RNF121: variants seen among roughly 807,000 people sequenced by gnomAD.
RNF121 encodes E3 ubiquitin ligase RNF121.
Under a neutral mutation model 46.5 loss-of-function variants are expected in RNF121, and 21 were observed. That is an observed-to-expected ratio of 0.45 (90% CI 0.32 to 0.65). RNF121 has a LOEUF of 0.65. Among genes scored for constraint, RNF121 ranks in the 30% least tolerant of loss-of-function variants. The probability of loss-of-function intolerance (pLI) is 0.04; values close to 1 mark genes in which losing one functional copy is unlikely to be tolerated. For missense variants in RNF121, 346 were observed against 416.0 expected (o/e 0.83, Z 1.46); for synonymous variants, 139 against 144.7 (o/e 0.96, Z 0.28).
At chr11:71,962,357 CT>C in intron 3 of RNF121, 1 of 876,044 alleles carries the variant, frequency 1.1e-6, no homozygotes, top group Non-Finnish European at 1.4e-6. Context: ...GGAATCCTTT[CT>C]TTAAACATTA....
intron 8 of RNF121, among the ~76,000 whole-genome samples, chr11:71,995,908 G>A (rs1954965096): frequency 6.6e-6 from 1 of 152,118 alleles, no homozygotes; most frequent in Non-Finnish European, 1.5e-5. Flanking sequence ...ACCTCTCTCA[G>A]GGCTGCCCTG....
chr11:71,936,152 C>T (rs1029301559), intron 1 of RNF121, among the ~76,000 whole-genome samples: 3 of 151,960 alleles, frequency 2.0e-5, no homozygotes, highest in Admixed American at 1.3e-4. Flanking sequence ...TAAACTGCTG[C>T]GCCTGGCCTA....
chr11:71,946,867 C>CTT (rs34778760), intron 1 of RNF121, among the ~76,000 whole-genome samples: 77,215 of 98,196 alleles, frequency 0.79, 32,755 homozygotes, highest in Non-Finnish European at 0.91. Context: ...TGCTCTGGCT[C>CTT]TTTTTTTTTT....
chr11:71,962,645 A>C (rs1954164032), intron 3 of RNF121, among the ~76,000 whole-genome samples: 1 of 152,206 alleles, frequency 6.6e-6, no homozygotes, highest in African/African-American at 2.4e-5. Flanking sequence ...GGATATGCTA[A>C]CATGATAGCA....
At chr11:71,930,360 A>G (rs965485208) in intron 1 of RNF121, among the ~76,000 whole-genome samples, 47 of 152,276 alleles carry the variant, frequency 3.1e-4, no homozygotes, top group African/African-American at 1.1e-3. Context: ...GATGAGGTTC[A>G]GAGAAAGGGA....
chr11:71,952,938 A>G (rs1040583564), intron 1 of RNF121, among the ~76,000 whole-genome samples: 2 of 152,286 alleles, frequency 1.3e-5, no homozygotes, highest in Non-Finnish European at 2.9e-5. Context: ...TTTGAAATGT[A>G]CAATATTCTG....
At chr11:71,970,594 T>G (rs986930497) in intron 3 of RNF121, among the ~76,000 whole-genome samples, 3 of 151,982 alleles carry the variant, frequency 2.0e-5, no homozygotes, top group Non-Finnish European at 2.9e-5. Flanking sequence ...CCCAGGAGTT[T>G]AACGCTTCAG....
intron 3 of RNF121, among the ~76,000 whole-genome samples, chr11:71,972,568 G>C (rs182069451): frequency 2.2e-3 from 329 of 151,950 alleles, no homozygotes; most frequent in African/African-American, 7.4e-3. Flanking sequence ...AGGAACTGTT[G>C]GCATTTTGGG....
chr11:71,992,142 C>T (rs1954876764), intron 6 of RNF121, among the ~76,000 whole-genome samples: 1 of 152,148 alleles, frequency 6.6e-6, no homozygotes, highest in Non-Finnish European at 1.5e-5. Context: ...AATAATCATG[C>T]AAAGGCACAA....
At chr11:71,935,346 A>G (rs922446949) in intron 1 of RNF121, among the ~76,000 whole-genome samples, 2 of 152,236 alleles carry the variant, frequency 1.3e-5, no homozygotes, top group East Asian at 1.9e-4. Context: ...AAGTTGCCCA[A>G]TGTTATACAG....
intron 3 of RNF121, among the ~76,000 whole-genome samples, chr11:71,976,480 C>T (rs1261404566): frequency 2.0e-5 from 3 of 151,220 alleles, no homozygotes; most frequent in Non-Finnish European, 2.9e-5. Context: ...CTCAGCTTCC[C>T]GAGTAGCTGG....
At chr11:71,962,735 ATGTGGT>A (rs1954166296) in intron 3 of RNF121, among the ~76,000 whole-genome samples, 1 of 152,230 alleles carries the variant, frequency 6.6e-6, no homozygotes, top group East Asian at 1.9e-4. Context: ...TTGCTGAGTC[ATGTGGT>A]AACTCTGTGT....
intron 4 of RNF121, chr11:71,983,128 T>C (rs1954698890): frequency 2.6e-6 from 1 of 390,564 alleles, no homozygotes; most frequent in Non-Finnish European, 4.5e-6. Context: ...TACTTTATGG[T>C]TTCAAGGTAT....
chr11:71,952,931 G>T (rs1427561300), intron 1 of RNF121, among the ~76,000 whole-genome samples: 1 of 152,196 alleles, frequency 6.6e-6, no homozygotes, highest in Non-Finnish European at 1.5e-5. Context: ...CAGCAATTTT[G>T]AAATGTACAA....
intron 1 of RNF121, among the ~76,000 whole-genome samples, chr11:71,948,892 A>T (rs1190662184): frequency 6.6e-6 from 1 of 152,216 alleles, no homozygotes; most frequent in Non-Finnish European, 1.5e-5. Flanking sequence ...ATACCACAGT[A>T]TCTGAACCCC....
chr11:71,996,309 G>A lies in RNF121; in HGVS notation c.978G>A (p.Leu326=). 6.2e-7 allele frequency: 1 copy of A among 1,614,104 alleles called. No homozygotes were observed. Among genetic ancestry groups the A allele is most frequent in the Middle Eastern group, 1.7e-4 (1 of 6,054 alleles). Residue 326 remains leucine (L), a synonymous_variant, in exon 9 of 9, where the codon CTG becomes CTA. Coordinates refer to ENST00000361756, the MANE Select transcript of RNF121 (RefSeq NM_018320.5). Reference sequence around the variant, plus strand: ...AAGGCATCAACTACATCCTGGGCCTGGAATAGTGATGAAGAGCATCAGTGG... The same window carrying A: ...AAGGCATCAACTACATCCTGGGCCTAGAATAGTGATGAAGAGCATCAGTGG... ...VVQGINYILG[L]E
chr11:71,960,571 A>C (rs1450832638), intron 2 of RNF121, among the ~76,000 whole-genome samples, 179 bp from the exon 3 acceptor site: 1 of 152,016 alleles, frequency 6.6e-6, no homozygotes, highest in Non-Finnish European at 1.5e-5. Flanking sequence ...CCTGTATTCT[A>C]TCTCGACATG....
chr11:71,969,608 T>G (rs953577535), intron 3 of RNF121, among the ~76,000 whole-genome samples: 3 of 152,144 alleles, frequency 2.0e-5, no homozygotes, highest in African/African-American at 7.2e-5. Flanking sequence ...TGTCACCCAG[T>G]CTGGAGTGTG....
chr11:71,966,486 CTT>C (rs897671289), intron 3 of RNF121, among the ~76,000 whole-genome samples: 1 of 146,428 alleles, frequency 6.8e-6, no homozygotes. Flanking sequence ...ATTTCTGATA[CTT>C]TTTTTTTTTA....
Sources: gnomAD v4.1 joint callset for allele counts (sites outside exome capture counted in the v4.1 genomes callset) on GRCh38, gnomAD v4.1.1 for gene constraint, MANE v1.5 for transcripts, NCBI Gene and HGNC (gene_info 2026-07-23, HGNC 2026-07-21) for gene names.